KSR2: variants seen among roughly 807,000 people sequenced by gnomAD.
The protein encoded by KSR2 is kinase suppressor of ras 2.
In KSR2, 25 loss-of-function variants were observed where a neutral mutation model predicts 107.8. The ratio of observed to expected loss-of-function variants is 0.23; its 90% CI spans 0.17 to 0.32. The LOEUF is 0.32. KSR2 is among the 10% of genes least tolerant of loss of function. The probability of loss-of-function intolerance (pLI) is 1.00; values close to 1 mark genes in which losing one functional copy is unlikely to be tolerated. For synonymous variants in KSR2, 480 were observed against 507.0 expected, an observed-to-expected ratio of 0.95 and a Z score of 0.71; for missense variants, 887 against 1,268.9, an observed-to-expected ratio of 0.70 and a Z score of 4.57.
At chr12:117,751,713 G>A (rs1202441791) in intron 4 of KSR2, among the ~76,000 whole-genome samples, 1 of 152,152 alleles carries the variant, frequency 6.6e-6, no homozygotes, top group East Asian at 1.9e-4. Flanking sequence ...TGCTTAATGT[G>A]GGTCTCATCA....
intron 14 of KSR2, among the ~76,000 whole-genome samples, chr12:117,494,576 A>G (rs2137162523): frequency 6.6e-6 from 1 of 152,330 alleles, no homozygotes; most frequent in African/African-American, 2.4e-5. Flanking sequence ...AAAATCCACT[A>G]CATGGATGCC....
At chr12:117,802,106 C>A (rs1466680248) in intron 3 of KSR2, among the ~76,000 whole-genome samples, 1 of 152,094 alleles carries the variant, frequency 6.6e-6, no homozygotes, top group Non-Finnish European at 1.5e-5. Context: ...AGGCAAAAAT[C>A]AAGGTGTAAA....
At chr12:117,542,901 T>C (rs1255703172) in intron 9 of KSR2, among the ~76,000 whole-genome samples, 1 of 152,236 alleles carries the variant, frequency 6.6e-6, no homozygotes, top group Admixed American at 6.5e-5. Flanking sequence ...TCTCTATAGA[T>C]TCATCCAAGT....
At chr12:117,586,244 T>A (rs1879980693) in intron 5 of KSR2, among the ~76,000 whole-genome samples, 1 of 149,914 alleles carries the variant, frequency 6.7e-6, no homozygotes, top group African/African-American at 2.5e-5. Flanking sequence ...TAAAAATGGG[T>A]GACGATAAAG....
intron 5 of KSR2, among the ~76,000 whole-genome samples, chr12:117,616,156 G>A (rs1273371907): frequency 1.6e-5 from 1 of 63,470 alleles, no homozygotes; most frequent in East Asian, 5.9e-4. Flanking sequence ...GTGAGACCCT[G>A]TCTCGAAAAA....
rs1870541452 is a variant in KSR2 at position 117,455,069 on chromosome 12, A to AGAGAGAGAGAGAGAGAGG, written c.*12129_*12130insCCTCTCTCTCTCTCTCTC. 1 of 150,372 alleles carries AGAGAGAGAGAGAGAGAGG rather than the reference A, an allele frequency of 6.7e-6. No individual in the cohort carries two copies. Among genetic ancestry groups the AGAGAGAGAGAGAGAGAGG allele is most frequent in the African/African-American group, 2.5e-5 (1 of 40,738 alleles). The allele number at this position is 150,372 out of a possible 1,614,324, so 9.3% of individuals were successfully genotyped here. ...GAGAGAGAGAGAGAGAGAGAGAGAG[A>AGAGAGAGAGAGAGAGAGG]GAGGTCTGTAGAGCCAGAGAGGGAT... On this transcript the variant is annotated 3_prime_UTR_variant, in exon 20 of 20. Transcript: ENST00000339824.
At chr12:117,949,523 T>C (rs1225463393) in intron 1 of KSR2, among the ~76,000 whole-genome samples, 3 of 152,162 alleles carry the variant, frequency 2.0e-5, no homozygotes, top group Non-Finnish European at 2.9e-5. Flanking sequence ...AGTAGAAATA[T>C]ATTGGGGAAG....
intron 5 of KSR2, among the ~76,000 whole-genome samples, chr12:117,624,027 TC>T (rs1307751121): frequency 4.6e-5 from 7 of 152,368 alleles, no homozygotes; most frequent in African/African-American, 1.7e-4. Flanking sequence ...ATAGATGTCT[TC>T]TTTTGAGAAG....
chr12:117,886,436 T>C (rs962703023), intron 1 of KSR2, among the ~76,000 whole-genome samples: 1 of 152,094 alleles, frequency 6.6e-6, no homozygotes, highest in African/African-American at 2.4e-5. Context: ...GCTTTTCCCA[T>C]GCCTTTGCTA....
intron 5 of KSR2, among the ~76,000 whole-genome samples, chr12:117,593,344 C>T (rs544187429): frequency 6.6e-6 from 1 of 152,320 alleles, no homozygotes; most frequent in African/African-American, 2.4e-5. Context: ...AATGGCCTCA[C>T]GTTGAAATAA....
At chr12:117,941,613 C>CTTTTTTTT (rs139487553) in intron 1 of KSR2, among the ~76,000 whole-genome samples, 4 of 52,962 alleles carry the variant, frequency 7.6e-5, no homozygotes, top group Non-Finnish European at 9.6e-5. Flanking sequence ...ACAGGCTTTC[C>CTTTTTTTT]TTTTTTTTTT....
intron 14 of KSR2, among the ~76,000 whole-genome samples, chr12:117,486,501 T>C (rs1302188178): frequency 1.3e-5 from 2 of 152,164 alleles, no homozygotes; most frequent in African/African-American, 4.8e-5. Context: ...GCTCAGAGTA[T>C]CCAATGTGGG....
chr12:117,664,288 T>C (rs768280621), intron 5 of KSR2, among the ~76,000 whole-genome samples: 8 of 152,156 alleles, frequency 5.3e-5, no homozygotes, highest in Non-Finnish European at 1.0e-4. Flanking sequence ...ATCTGCCTAA[T>C]GCTGTCCCCA....
At chr12:117,606,474 TCCCTCCTC>T (rs1881257843) in intron 5 of KSR2, among the ~76,000 whole-genome samples, 1 of 101,648 alleles carries the variant, frequency 9.8e-6, no homozygotes, top group African/African-American at 3.8e-5. Flanking sequence ...CCTTCCTCCC[TCCCTCCTC>T]TCCTTCCTTC....
chr12:117,656,980 G>GTA (rs1884194868), intron 5 of KSR2, among the ~76,000 whole-genome samples: 2 of 50,558 alleles, frequency 4.0e-5, no homozygotes, highest in African/African-American at 7.4e-5. Flanking sequence ...ATATATAATA[G>GTA]GATATATATA....
At chr12:117,627,071 CTTTAT>C (rs1160990860) in intron 5 of KSR2, among the ~76,000 whole-genome samples, 5 of 151,914 alleles carry the variant, frequency 3.3e-5, no homozygotes, top group African/African-American at 1.2e-4. Flanking sequence ...TCCTCCATCC[CTTTAT>C]TTTGAGCCTA....
At chr12:117,872,556 C>T (rs999051981) in intron 1 of KSR2, among the ~76,000 whole-genome samples, 4 of 150,618 alleles carry the variant, frequency 2.7e-5, no homozygotes, top group Non-Finnish European at 5.9e-5. Flanking sequence ...CAGAGCAAGA[C>T]GCTGTCTCCA....
chr12:117,511,201 G>A (rs1874002404), intron 14 of KSR2, among the ~76,000 whole-genome samples: 2 of 152,188 alleles, frequency 1.3e-5, no homozygotes, highest in East Asian at 1.9e-4. Flanking sequence ...GTGACCACTC[G>A]GCTTCTGTTT....
At chr12:117,786,627 C>T (rs1309800908) in intron 3 of KSR2, among the ~76,000 whole-genome samples, 1 of 152,076 alleles carries the variant, frequency 6.6e-6, no homozygotes, top group Non-Finnish European at 1.5e-5. Flanking sequence ...ACAAGCCTAG[C>T]CAACATGGTG....
Sources: gnomAD v4.1 joint callset for allele counts (sites outside exome capture counted in the v4.1 genomes callset) on GRCh38, gnomAD v4.1.1 for gene constraint, MANE v1.5 for transcripts, NCBI Gene and HGNC (gene_info 2026-07-23, HGNC 2026-07-21) for gene names.